Variants in PEBP1 observed in about 807,000 individuals in gnomAD.
The protein encoded by PEBP1 is phosphatidylethanolamine binding protein 1.
PEBP1 carries 17 observed loss-of-function variants against 22.7 expected under a neutral mutation model. The ratio of observed to expected loss-of-function variants is 0.75; its 90% CI spans 0.51 to 1.12. The LOEUF is 1.12. Among genes scored for constraint, PEBP1 ranks in the 50% most tolerant of loss-of-function variants. The pLI is 0.00. For synonymous variants in PEBP1, 106 were observed against 104.3 expected, an observed-to-expected ratio of 1.02 and a Z score of -0.10; for missense variants, 205 against 243.5, an observed-to-expected ratio of 0.84 and a Z score of 1.05.
intron 2 of PEBP1, 139 bp downstream of exon 2, chr12:118,138,287 C>A (rs2034084360): frequency 3.1e-6 from 2 of 649,780 alleles, no homozygotes; most frequent in African/African-American, 1.8e-5. Context: ...CTTTCCTGCC[C>A]TTTTGCCCCC....
rs2034066424 is a variant in PEBP1 at position 118,136,884 on chromosome 12, A to AG, written c.135+541dup. On this transcript the variant is annotated intron_variant, in intron 1 of 3. Coordinates refer to ENST00000261313, the MANE Select transcript of PEBP1 (RefSeq NM_002567.4). This position sits in a 1 kb window ranked among gnomAD's most constrained non-coding sequence, Gnocchi z 5.6. ...CCGGTACGCTGGAGGGCAACGGTTT[A>AG]GTTTTGGTCTTTGACCTCCCACGCC... 6.6e-6 allele frequency among the ~76,000 whole-genome samples: 1 copy of AG among 152,142 alleles called. No individual in the cohort carries two copies. The highest frequency in any genetic ancestry group is 1.5e-5 in the Non-Finnish European group (1 of 68,030).
At position 118,145,485 on chromosome 12, in the gene PEBP1, C is replaced by T. The variant is rs534995548; in HGVS notation, c.*682C>T. On this transcript the variant is annotated 3_prime_UTR_variant, in exon 4 of 4. Transcript: ENST00000261313. ...TGAGATCTGTGTTTTTTAAATTGAT[C>T]GTTCTTCATGGGGGTAAGAAAAGCT... The T allele has an allele frequency of 9.5e-5, 15 of 157,666 alleles. No homozygotes were observed. In the South Asian group the frequency reaches 2.6e-3, roughly 27 times the overall value. The allele number at this position is 157,666 out of a possible 1,614,324, so 9.8% of individuals were successfully genotyped here.
At chr12:118,139,581 T>C in intron 3 of PEBP1, 30 bp downstream of exon 3, 1 of 1,439,640 alleles carries the variant, frequency 6.9e-7, no homozygotes, top group Non-Finnish European at 9.7e-7. Context: ...GGTGGGAGGT[T>C]GGGGAGGGAG....
chr12:118,143,523 G>A (rs987607339), intron 3 of PEBP1, among the ~76,000 whole-genome samples: 2 of 152,080 alleles, frequency 1.3e-5, no homozygotes, highest in African/African-American at 4.8e-5. Context: ...GTGGACAGTC[G>A]GGTTGCTTCT....
At position 118,139,528 on chromosome 12, in the gene PEBP1, G is replaced by A; in HGVS notation, c.323G>A (p.Gly108Asp). 6.2e-7 allele frequency: 1 copy of A among 1,612,588 alleles called. No individual in the cohort carries two copies. Among genetic ancestry groups the A allele is most frequent in the Non-Finnish European group, 8.5e-7 (1 of 1,179,084 alleles). Residue 108 changes from glycine (G) to aspartate (D), a missense_variant, in exon 3 of 4, where the codon GGC becomes GAC. Gly to Asp is a moderately conservative substitution (Grantham distance 94). Coordinates refer to ENST00000261313, the MANE Select transcript of PEBP1 (RefSeq NM_002567.4). ...GGCACAGTCCTCTCCGATTATGTGG[G>A]CTCGGGGCCTCCCAAGGGCACAGGT... is the stretch of plus-strand genomic sequence containing the variant. ...SSGTVLSDYV[G>D]SGPPKGTGLH...
intron 3 of PEBP1, among the ~76,000 whole-genome samples, chr12:118,141,274 G>A (rs953425523): frequency 7.9e-5 from 12 of 151,920 alleles, no homozygotes; most frequent in Admixed American, 5.2e-4. Context: ...CCACCACCAC[G>A]CCCAGCTAAT....
intron 3 of PEBP1, among the ~76,000 whole-genome samples, chr12:118,142,248 A>G (rs138336784): frequency 0.019 from 2,753 of 148,440 alleles, 23 homozygotes; most frequent in Middle Eastern, 0.066. Context: ...GCTGGAGTGC[A>G]ATGGTGTGAT....
rs189611122 is a variant in PEBP1 at position 118,142,260 on chromosome 12, G to A, written c.347-2326G>A. 6.8e-3 allele frequency among the ~76,000 whole-genome samples: 987 copies of A among 145,830 alleles called. 5 individuals are homozygous for A. Among genetic ancestry groups the A allele is most frequent in the Middle Eastern group, 0.029 (8 of 278 alleles). On this transcript the variant is annotated intron_variant, in intron 3 of 3. Coordinates refer to ENST00000261313, the MANE Select transcript of PEBP1 (RefSeq NM_002567.4). ...CAGGCTGGAGTGCAATGGTGTGATC[G>A]CGGCTCACTGCAACCTCCACCTCCC... is the stretch of plus-strand genomic sequence containing the variant.
At chr12:118,137,362 C>T (rs2034073463) in intron 1 of PEBP1, among the ~76,000 whole-genome samples, 1 of 152,056 alleles carries the variant, frequency 6.6e-6, no homozygotes, top group African/African-American at 2.4e-5. Flanking sequence ...AATATACAGC[C>T]TGGGCAACAT....
At position 118,142,826 on chromosome 12, in the gene PEBP1, CTTTTTTTTTT is replaced by C. The variant is rs374392598; in HGVS notation, c.347-1738_347-1729del. ...ACTACAGTAGCGTTAACTACATTCA[CTTTTTTTTTT>C]TTTTTTTTTTTTTTTTTTTTTGAGA... On this transcript the variant is annotated intron_variant, in intron 3 of 3. Transcript: ENST00000261313. Among the ~76,000 whole-genome samples the C allele has an allele frequency of 7.4e-4, 69 of 93,636 alleles. 1 individual carries two copies. Among genetic ancestry groups the C allele is most frequent in the Middle Eastern group, 6.8e-3 (1 of 148 alleles). 61.4% of individuals were successfully genotyped at this position (93,636 alleles called of 152,430 possible).
chr12:118,137,252 T>C (rs534376352), intron 1 of PEBP1, among the ~76,000 whole-genome samples: 4 of 152,288 alleles, frequency 2.6e-5, no homozygotes, highest in South Asian at 2.1e-4. Context: ...AAGGGTGTCG[T>C]TGAGAGGGGA....
Position 118,139,563 on chromosome 12 carries a change from T to C in PEBP1, c.346+12T>C, listed in dbSNP as rs777701205. On this transcript the variant is annotated intron_variant, in intron 3 of 3. Coordinates refer to ENST00000261313, the MANE Select transcript of PEBP1 (RefSeq NM_002567.4). ...TCCCAAGGGCACAGGTTAGTAAAGG[T>C]TGTTTTTGGTGGGAGGTTGGGGAGG... 1.4e-5 allele frequency: 22 copies of C among 1,577,430 alleles called. No individual in the cohort carries two copies. The highest frequency in any genetic ancestry group is 2.3e-5 in the East Asian group (1 of 44,122).
rs1258133731 is a variant in PEBP1, at chr12:118,139,550, A to G, written c.345A>G (p.Thr115=). The change falls in exon 3 of 4, where the codon ACA becomes ACG. Residue 115 remains threonine, a splice_region_variant and synonymous_variant. Coordinates refer to ENST00000261313, the MANE Select transcript of PEBP1 (RefSeq NM_002567.4). ...DYVGSGPPKG[T]GLHRYVWLVY... is the part of the protein sequence containing the mutation. Reference sequence around the variant, plus strand: ...TGGGCTCGGGGCCTCCCAAGGGCACAGGTTAGTAAAGGTTGTTTTTGGTGG... The same window carrying G: ...TGGGCTCGGGGCCTCCCAAGGGCACGGGTTAGTAAAGGTTGTTTTTGGTGG... The G allele has an allele frequency of 8.8e-6, 14 of 1,598,800 alleles. No individual in the cohort carries two copies. Among genetic ancestry groups the G allele is most frequent in the East Asian group, 2.2e-5 (1 of 44,514 alleles).
chr12:118,136,166 GCCTA>G lies in PEBP1; in HGVS notation c.-41_-38del. On this transcript the variant is annotated 5_prime_UTR_variant, in exon 1 of 4. Coordinates refer to ENST00000261313, the MANE Select transcript of PEBP1 (RefSeq NM_002567.4). The surrounding 1 kb of genome is among the most constrained non-coding windows in gnomAD (Gnocchi z 5.6). ...GCGTCGCCTCTGTCGCCCGCGCCTG[GCCTA>G]CCGCGGCACTCCCGGCTGCACGCTC... 6.5e-7 allele frequency: 1 copy of G among 1,537,430 alleles called. No homozygotes were observed. Among genetic ancestry groups the G allele is most frequent in the Middle Eastern group, 2.3e-4 (1 of 4,348 alleles).
rs746353581 is a variant in PEBP1 at position 118,144,791 on chromosome 12, G to C, written c.552G>C (p.Leu184=). 5.6e-6 allele frequency: 9 copies of C among 1,613,982 alleles called. No individual in the cohort carries two copies. Among genetic ancestry groups the C allele is most frequent in the East Asian group, 4.5e-5 (2 of 44,880 alleles). ...DDYVPKLYEQ[L]SGK ...ATGTGCCCAAACTGTACGAGCAGCTGTCTGGGAAGTAGGGGGTTAGCTTGG... is the reference window on the plus strand; with the variant it reads ...ATGTGCCCAAACTGTACGAGCAGCTCTCTGGGAAGTAGGGGGTTAGCTTGG... The change falls in exon 4 of 4, where the codon CTG becomes CTC. Residue 184 remains leucine (L), a synonymous_variant. Transcript: ENST00000261313.
chr12:118,143,938 A>G (rs964751589), intron 3 of PEBP1, among the ~76,000 whole-genome samples: 1 of 152,038 alleles, frequency 6.6e-6, no homozygotes, highest in Non-Finnish European at 1.5e-5. Flanking sequence ...TTTTAAAAAA[A>G]TAAGAGCTCA....
intron 3 of PEBP1, among the ~76,000 whole-genome samples, chr12:118,143,283 G>A (rs2034129332): frequency 6.6e-6 from 1 of 152,066 alleles, no homozygotes; most frequent in African/African-American, 2.4e-5. Context: ...ACTTTCTGTT[G>A]CAGTGTTTGT....
At position 118,136,209 on chromosome 12, in the gene PEBP1, C is replaced by A. The variant is rs933849211; in HGVS notation, c.-1C>A. On this transcript the variant is annotated 5_prime_UTR_variant, in exon 1 of 4. Coordinates refer to ENST00000261313, the MANE Select transcript of PEBP1 (RefSeq NM_002567.4). The surrounding 1 kb of genome is among the most constrained non-coding windows in gnomAD (Gnocchi z 5.6). Reference sequence around the variant, plus strand: ...GGCTGCACGCTCTGCTTGGCCTCGCCATGCCGGTGGACCTCAGCAAGTGGT... The same window carrying A: ...GGCTGCACGCTCTGCTTGGCCTCGCAATGCCGGTGGACCTCAGCAAGTGGT... 3.9e-6 allele frequency: 6 copies of A among 1,545,344 alleles called. No homozygotes were observed. The highest frequency in any genetic ancestry group is 4.4e-6 in the Non-Finnish European group (5 of 1,146,484).
At chr12:118,144,540 C>A in intron 3 of PEBP1, 46 bp from the exon 4 acceptor site, 1 of 1,553,388 alleles carries the variant, frequency 6.4e-7, no homozygotes, top group South Asian at 1.2e-5. Context: ...GTCCCCATCT[C>A]AAGTGCTGGG....
Sources: allele counts gnomAD v4.1 joint callset (sites outside exome capture counted in the v4.1 genomes callset), GRCh38; gene constraint gnomAD v4.1.1; non-coding constraint Gnocchi (gnomAD v3.1); transcripts MANE v1.5; gene names NCBI Gene and HGNC (gene_info 2026-07-23, HGNC 2026-07-21).